Variants in OPA3 observed in about 807,000 individuals in gnomAD.
OPA3 encodes the protein optic atrophy 3 protein.
A neutral mutation model predicts 4.0 loss-of-function variants in OPA3; 6 were observed. That is an observed-to-expected ratio of 1.51 (90% CI 0.83 to 2.99). The LOEUF (loss-of-function observed/expected upper bound fraction) is 2.99, where lower values mean the gene tolerates loss of function less well. Among genes scored for constraint, OPA3 ranks in the 30% most tolerant of loss-of-function variants. OPA3 has a pLI of 0.00. For synonymous variants in OPA3, 105 were observed against 117.1 expected (o/e 0.90, Z 0.67); for missense variants, 235 against 256.2 (o/e 0.92, Z 0.56).
At chr19:45,528,992 G>A (rs775820623) in exon 2 of OPA3, 90 of 1,541,514 alleles carry the variant, frequency 5.8e-5, no homozygotes, top group Non-Finnish European at 7.6e-5. Flanking sequence ...GCGGAGAATA[G>A]GCCAAGACAG....
intron 1 of OPA3, among the ~76,000 whole-genome samples, chr19:45,559,186 A>C (rs921205664): frequency 2.0e-5 from 3 of 150,812 alleles, no homozygotes; most frequent in African/African-American, 7.3e-5. Flanking sequence ...GTCTGGCCTA[A>C]CTCCAACTTC....
rs189325106 is a variant in OPA3, at chr19:45,579,148, C to T, written c.142+5475G>A. Among the ~76,000 whole-genome samples the T allele has an allele frequency of 2.4e-3, 362 of 152,274 alleles. 1 individual carries two copies. The highest frequency in any genetic ancestry group is 4.0e-3 in the Non-Finnish European group (269 of 68,032). ...TGACAATCCTATCTAGGCTTATAGC[C>T]TTCCTTTAAATACTCCTTGTTCTAC... is the stretch of plus-strand genomic sequence containing the variant. On this transcript the variant is annotated intron_variant, in intron 1 of 1. Coordinates refer to ENST00000263275, the MANE Select transcript of OPA3 (RefSeq NM_025136.4).
chr19:45,539,120 G>C (rs1969154180), intron 1 of OPA3, among the ~76,000 whole-genome samples: 1 of 152,132 alleles, frequency 6.6e-6, no homozygotes, highest in Admixed American at 6.6e-5. Flanking sequence ...AACAGCATAA[G>C]GGAAACCACC....
exon 2 of OPA3, chr19:45,529,382 C>T (rs759861826): frequency 6.2e-6 from 10 of 1,614,116 alleles, no homozygotes; most frequent in South Asian, 3.3e-5. Flanking sequence ...GCTGCACCCT[C>T]GTTCAGCGGC....
chr19:45,550,160 G>C lies in OPA3; in HGVS notation c.*3354C>G. 1.0e-6 allele frequency: 1 copy of C among 960,190 alleles called. No individual in the cohort carries two copies. The highest frequency in any genetic ancestry group is 1.2e-6 in the Non-Finnish European group (1 of 807,198). 59.5% of individuals were successfully genotyped at this position (960,190 alleles called of 1,614,324 possible). ...TGACGGAGCTAGACTGTCTCCGAAA[G>C]AAAAGAAAAGAAAAAAGAAGAGAAA... On this transcript the variant is annotated 3_prime_UTR_variant, in exon 2 of 2. Transcript: ENST00000263275.
Position 45,552,310 on chromosome 19 carries a change from C to T in OPA3, c.*1204G>A. ...GCAACCTCTGCCTCCCGGGTTCAAG[C>T]AATTCTCCTGTCTCAGCCTCCCAAG... On this transcript the variant is annotated 3_prime_UTR_variant, in exon 2 of 2. Transcript: ENST00000263275. 1 of 534,994 alleles carries T rather than the reference C, an allele frequency of 1.9e-6. No individual in the cohort carries two copies. 33.1% of individuals were successfully genotyped at this position (534,994 alleles called of 1,614,324 possible).
exon 2 of OPA3, chr19:45,527,974 G>C (rs1401227650): frequency 6.6e-6 from 1 of 152,410 alleles, no homozygotes; most frequent in African/African-American, 2.4e-5. Flanking sequence ...GCGTGAAGGA[G>C]GGCGGAGGAG....
At chr19:45,563,024 T>G (rs2122468271) in intron 1 of OPA3, among the ~76,000 whole-genome samples, 1 of 152,290 alleles carries the variant, frequency 6.6e-6, no homozygotes, top group East Asian at 1.9e-4. Context: ...TCTCACCCAT[T>G]TGCTGGTGTA....
chr19:45,532,224 G>GTTTTTATCATTGCTGGGTT (rs977939568), intron 1 of OPA3, among the ~76,000 whole-genome samples: 3 of 152,186 alleles, frequency 2.0e-5, no homozygotes, highest in Admixed American at 1.3e-4. Flanking sequence ...TCATTGCTGG[G>GTTTTTATCATTGCTGGGTT]AGAAGTTAGT....
At chr19:45,582,290 G>A (rs1031183458) in intron 1 of OPA3, among the ~76,000 whole-genome samples, 1 of 151,778 alleles carries the variant, frequency 6.6e-6, no homozygotes, top group African/African-American at 2.4e-5. Context: ...CTCCCGAGTA[G>A]CTGGGATTAT....
chr19:45,559,133 C>T (rs1157826716), intron 1 of OPA3, among the ~76,000 whole-genome samples: 2 of 152,074 alleles, frequency 1.3e-5, no homozygotes, highest in African/African-American at 4.8e-5. Flanking sequence ...ATCCATTCAC[C>T]TTGGCCTCCC....
At chr19:45,529,155 G>A in exon 2 of OPA3, 4 of 1,609,720 alleles carry the variant, frequency 2.5e-6, no homozygotes, top group Non-Finnish European at 3.4e-6. Flanking sequence ...GCTCCTCCAG[G>A]GCGAGCTGCG....
chr19:45,551,990 T>C lies in OPA3; in HGVS notation c.*1524A>G, dbSNP rs980877205. ...TCCAGGGACTCTGAGGACAGGAAAA[T>C]AGGGGGCTGAGGCTGAAGGACAGGC... On this transcript the variant is annotated 3_prime_UTR_variant, in exon 2 of 2. Transcript: ENST00000263275. The C allele has an allele frequency of 7.1e-6, 7 of 984,848 alleles. No homozygotes were observed. In the Admixed American group the frequency reaches 1.9e-4, roughly 26 times the overall value. The allele number at this position is 984,848 out of a possible 1,614,324, so 61.0% of individuals were successfully genotyped here.
chr19:45,581,065 T>G (rs1325541923), intron 1 of OPA3, among the ~76,000 whole-genome samples: 1 of 152,216 alleles, frequency 6.6e-6, no homozygotes, highest in Non-Finnish European at 1.5e-5. Flanking sequence ...AATTAACTGC[T>G]GCCCTCAACA....
intron 1 of OPA3, among the ~76,000 whole-genome samples, chr19:45,579,381 T>G (rs1969813145): frequency 6.6e-6 from 1 of 152,020 alleles, no homozygotes; most frequent in Non-Finnish European, 1.5e-5. Context: ...CCACCACACC[T>G]GGCTAATTTT....
Position 45,553,288 on chromosome 19 carries a change from G to A in OPA3, c.*226C>T. 1 of 1,434,574 alleles carries A rather than the reference G, an allele frequency of 7.0e-7. No individual in the cohort carries two copies. The highest frequency in any genetic ancestry group is 9.1e-7 in the Non-Finnish European group (1 of 1,097,582). The allele number at this position is 1,434,574 out of a possible 1,614,324, so 88.9% of individuals were successfully genotyped here. ...CTTGCAGGTCGTCCTGGTTTGGAGT[G>A]GGGGATAGGAGGTGAAGGATGATGG... On this transcript the variant is annotated 3_prime_UTR_variant, in exon 2 of 2. Transcript: ENST00000263275.
downstream of OPA3, among the ~76,000 whole-genome samples, chr19:45,541,819 C>G (rs1969188898): frequency 6.6e-6 from 1 of 152,180 alleles, no homozygotes; most frequent in Non-Finnish European, 1.5e-5. Flanking sequence ...CCCACCTTGG[C>G]CTCCCAAAGT....
At chr19:45,563,486 A>AC (rs1969536098) in intron 1 of OPA3, among the ~76,000 whole-genome samples, 1 of 151,326 alleles carries the variant, frequency 6.6e-6, no homozygotes, top group South Asian at 2.1e-4. Flanking sequence ...GCCAAGAGAG[A>AC]CCCTCTGACA....
intron 1 of OPA3, among the ~76,000 whole-genome samples, chr19:45,569,339 G>T (rs1036156380): frequency 6.6e-6 from 1 of 152,096 alleles, no homozygotes; most frequent in African/African-American, 2.4e-5. Context: ...GGCACCTGTA[G>T]TCACAGCTAT....
Sources: gnomAD v4.1 joint callset for allele counts (sites outside exome capture counted in the v4.1 genomes callset) on GRCh38, gnomAD v4.1.1 for gene constraint, MANE v1.5 for transcripts, NCBI Gene and HGNC (gene_info 2026-07-23, HGNC 2026-07-21) for gene names.